The following SHOC2 variants were observed in gnomAD, a reference collection of about 807,000 sequenced individuals.
SHOC2 encodes leucine-rich repeat protein SHOC-2.
SHOC2 carries 4 observed loss-of-function variants against 50.2 expected under a neutral mutation model. That is an observed-to-expected ratio of 0.08 (90% CI 0.04 to 0.18). The LOEUF is 0.18. SHOC2 is among the 10% of genes least tolerant of loss of function. The pLI is 1.00. For synonymous variants in SHOC2, 218 were observed against 244.5 expected (o/e 0.89, Z 1.01); for missense variants, 388 against 669.6 (o/e 0.58, Z 4.64).
intron 1 of SHOC2, among the ~76,000 whole-genome samples, chr10:110,935,763 A>C (rs1342979970): frequency 6.6e-6 from 1 of 152,224 alleles, no homozygotes; most frequent in Non-Finnish European, 1.5e-5. Context: ...AAATATACTT[A>C]AAGATGTAAA....
chr10:110,937,483 C>T (rs10787292), intron 1 of SHOC2, among the ~76,000 whole-genome samples: 115,435 of 152,106 alleles, frequency 0.76, 44,074 homozygotes, highest in East Asian at 0.85. Flanking sequence ...TTAGTAGACC[C>T]TCTCATATGT....
chr10:110,921,688 T>TTA (rs1347667740), intron 1 of SHOC2, among the ~76,000 whole-genome samples: 5 of 152,298 alleles, frequency 3.3e-5, no homozygotes, highest in Middle Eastern at 3.4e-3. Context: ...AAATATCCAA[T>TTA]TATACTCTTA....
At chr10:110,936,455 G>A (rs1472904263) in intron 1 of SHOC2, among the ~76,000 whole-genome samples, 1 of 151,982 alleles carries the variant, frequency 6.6e-6, no homozygotes, top group Non-Finnish European at 1.5e-5. Context: ...TGTTAAGATA[G>A]TAATGTTTTT....
At chr10:110,960,538 C>T (rs920880020) in intron 1 of SHOC2, among the ~76,000 whole-genome samples, 2 of 152,166 alleles carry the variant, frequency 1.3e-5, no homozygotes, top group Non-Finnish European at 2.9e-5. Context: ...ACTTTGGTGC[C>T]TCAGTTTTCT....
intron 1 of SHOC2, among the ~76,000 whole-genome samples, chr10:110,929,666 G>A (rs1169669889): frequency 6.6e-6 from 1 of 152,198 alleles, no homozygotes; most frequent in African/African-American, 2.4e-5. Context: ...CAGAAAGTGA[G>A]AGAGCAAGTT....
intron 4 of SHOC2, 77 bp from the exon 5 acceptor site, chr10:111,004,529 G>T: frequency 9.4e-7 from 1 of 1,064,986 alleles, no homozygotes. Flanking sequence ...TGAGGCATTT[G>T]TGTTGGGACT....
intron 3 of SHOC2, among the ~76,000 whole-genome samples, chr10:110,991,235 G>A (rs1207868893): frequency 6.6e-6 from 1 of 152,190 alleles, no homozygotes; most frequent in Non-Finnish European, 1.5e-5. Context: ...AGCATAGGTG[G>A]TGATATATGA....
At chr10:110,993,052 T>A (rs1848212950) in intron 3 of SHOC2, among the ~76,000 whole-genome samples, 1 of 152,212 alleles carries the variant, frequency 6.6e-6, no homozygotes, top group African/African-American at 2.4e-5. Context: ...CACCATATTT[T>A]AAAAATCTGA....
intron 1 of SHOC2, among the ~76,000 whole-genome samples, chr10:110,954,808 G>T (rs1029501733): frequency 1.3e-5 from 2 of 152,170 alleles, no homozygotes; most frequent in Non-Finnish European, 2.9e-5. Flanking sequence ...GCCATGTGAA[G>T]ACTGAGGAAG....
chr10:110,988,104 ATAAAT>A (rs2134152636), intron 3 of SHOC2, among the ~76,000 whole-genome samples: 1 of 152,282 alleles, frequency 6.6e-6, no homozygotes, highest in South Asian at 2.1e-4. Flanking sequence ...CCAAGAAGAA[ATAAAT>A]TAAAAAGTTA....
chr10:110,985,792 T>A (rs769923472), intron 3 of SHOC2, 27 bp downstream of exon 3: 8 of 1,579,810 alleles, frequency 5.1e-6, no homozygotes, highest in Non-Finnish European at 7.0e-6. Context: ...GAGATATTGA[T>A]AGCTGTTAAT....
intron 1 of SHOC2, among the ~76,000 whole-genome samples, chr10:110,923,768 C>G (rs1846701596): frequency 6.6e-6 from 1 of 152,098 alleles, no homozygotes; most frequent in Non-Finnish European, 1.5e-5. Flanking sequence ...TGAAATGAAC[C>G]TGACATATTT....
At chr10:110,987,496 C>G (rs912838825) in intron 3 of SHOC2, among the ~76,000 whole-genome samples, 36 of 152,118 alleles carry the variant, frequency 2.4e-4, no homozygotes, top group African/African-American at 8.0e-4. Context: ...ATTACATATT[C>G]TAGTTAACTG....
At chr10:110,963,914 A>C (rs960078522) in intron 1 of SHOC2, among the ~76,000 whole-genome samples, 2 of 152,182 alleles carry the variant, frequency 1.3e-5, no homozygotes, top group Non-Finnish European at 2.9e-5. Context: ...TTACATTCAT[A>C]CATCTTCCTA....
intron 3 of SHOC2, among the ~76,000 whole-genome samples, chr10:110,987,694 G>T (rs906447547): frequency 4.6e-5 from 7 of 151,664 alleles, no homozygotes; most frequent in African/African-American, 1.7e-4. Flanking sequence ...AAAATCTATT[G>T]AAATGGCCAA....
At chr10:110,923,485 A>G (rs1846695413) in intron 1 of SHOC2, among the ~76,000 whole-genome samples, 1 of 152,170 alleles carries the variant, frequency 6.6e-6, no homozygotes, top group African/African-American at 2.4e-5. Context: ...GCAAAAGGAT[A>G]TTTTAATTAC....
At chr10:111,011,134 ATTAAGTAAC>A (rs1484543409) in intron 8 of SHOC2, among the ~76,000 whole-genome samples, 1 of 152,236 alleles carries the variant, frequency 6.6e-6, no homozygotes, top group Non-Finnish European at 1.5e-5. Context: ...AAAGGTTCAT[ATTAAGTAAC>A]AAATATTTTG....
intron 1 of SHOC2, among the ~76,000 whole-genome samples, chr10:110,933,930 A>C (rs548123441): frequency 3.9e-5 from 6 of 152,182 alleles, no homozygotes; most frequent in Non-Finnish European, 7.4e-5. Flanking sequence ...ATTCTGGCAA[A>C]TTAAAAAAGC....
intron 2 of SHOC2, among the ~76,000 whole-genome samples, chr10:110,972,969 G>T (rs1847810758): frequency 6.6e-6 from 1 of 152,206 alleles, no homozygotes; most frequent in Non-Finnish European, 1.5e-5. Flanking sequence ...GTACCGTAAA[G>T]ACAGCATGTT....
Sources: gnomAD v4.1 joint callset for allele counts (sites outside exome capture counted in the v4.1 genomes callset) on GRCh38, gnomAD v4.1.1 for gene constraint, MANE v1.5 for transcripts, NCBI Gene and HGNC (gene_info 2026-07-23, HGNC 2026-07-21) for gene names.